Variants in RARS2 observed in about 807,000 individuals in gnomAD.
RARS2 encodes the protein arginyl-tRNA synthetase 2, mitochondrial.
Under a neutral mutation model 88.5 loss-of-function variants are expected in RARS2, and 67 were observed. That is an observed-to-expected ratio of 0.76 (90% CI 0.62 to 0.93). The LOEUF (loss-of-function observed/expected upper bound fraction) is 0.93. RARS2 is among the 40% of genes least tolerant of loss of function. The pLI is 0.00. For synonymous variants in RARS2, 239 were observed against 230.3 expected, an observed-to-expected ratio of 1.04 and a Z score of -0.34; for missense variants, 664 against 684.2, an observed-to-expected ratio of 0.97 and a Z score of 0.33.
At chr6:87,524,723 C>T in intron 10 of RARS2, 71 bp from the exon 11 acceptor site, 1 of 1,111,292 alleles carries the variant, frequency 9.0e-7, no homozygotes, top group Admixed American at 1.7e-5. Context: ...ATATCTAAAA[C>T]ATTAGCAAAC....
chr6:87,520,462 TCCA>T (rs1013552722), intron 12 of RARS2, among the ~76,000 whole-genome samples: 93 of 152,234 alleles, frequency 6.1e-4, no homozygotes, highest in African/African-American at 2.2e-3. Context: ...GCCATACAAC[TCCA>T]CCGAGTCAGT....
At chr6:87,515,331 C>T (rs1199721690) in intron 18 of RARS2, among the ~76,000 whole-genome samples, 1 of 152,106 alleles carries the variant, frequency 6.6e-6, no homozygotes, top group East Asian at 1.9e-4. Context: ...ACCATCCTGG[C>T]TAACATGGTG....
At chr6:87,532,223 T>C (rs35387911) in intron 8 of RARS2, among the ~76,000 whole-genome samples, 4,924 of 151,708 alleles carry the variant, frequency 0.032, 107 homozygotes, top group Middle Eastern at 0.054. Context: ...CCTTTTTTTT[T>C]CCCCCTAGAA....
At chr6:87,531,392 C>T (rs17504727) in intron 8 of RARS2, among the ~76,000 whole-genome samples, 10,128 of 152,162 alleles carry the variant, frequency 0.067, 459 homozygotes, top group Non-Finnish European at 0.099. Flanking sequence ...TGTAACTTCG[C>T]TGAAAAAGGT....
chr6:87,539,250 G>T (rs1369213499), intron 8 of RARS2, among the ~76,000 whole-genome samples: 1 of 152,216 alleles, frequency 6.6e-6, no homozygotes, highest in South Asian at 2.1e-4. Context: ...GCAACATGGG[G>T]TGTCTCTGTG....
intron 19 of RARS2, 87 bp from the exon 20 acceptor site, chr6:87,514,586 CTAGTT>C: frequency 8.4e-7 from 1 of 1,193,410 alleles, no homozygotes; most frequent in Non-Finnish European, 1.2e-6. Flanking sequence ...GTTATTCTTT[CTAGTT>C]TAAAGCAGGA....
intron 1 of RARS2, among the ~76,000 whole-genome samples, chr6:87,581,389 AAC>A (rs1582876512): frequency 6.6e-6 from 1 of 152,166 alleles, no homozygotes; most frequent in East Asian, 1.9e-4. Context: ...CTGATTCTCC[AAC>A]ACTACCAAGT....
intron 1 of RARS2, 61 bp downstream of exon 1, chr6:87,589,861 T>C: frequency 4.3e-6 from 7 of 1,613,964 alleles, no homozygotes. Context: ...CCCGCAGCGG[T>C]GAAAGGCCTT....
At chr6:87,542,234 TA>T (rs1385314378) in intron 7 of RARS2, among the ~76,000 whole-genome samples, 1 of 152,060 alleles carries the variant, frequency 6.6e-6, no homozygotes, top group Non-Finnish European at 1.5e-5. Flanking sequence ...CAGAAACCAA[TA>T]GGTTATGAGC....
intron 2 of RARS2, among the ~76,000 whole-genome samples, chr6:87,568,570 T>C (rs1296359080): frequency 2.6e-5 from 4 of 152,158 alleles, no homozygotes; most frequent in Admixed American, 6.5e-5. Context: ...TTTTACGAAA[T>C]AGGCAACTAG....
intron 8 of RARS2, among the ~76,000 whole-genome samples, chr6:87,538,729 G>A (rs1024959039): frequency 6.6e-6 from 1 of 151,914 alleles, no homozygotes; most frequent in Non-Finnish European, 1.5e-5. Context: ...AGACCCTATT[G>A]TTATTTAAAA....
chr6:87,555,326 A>G (rs1785532712), intron 5 of RARS2, 82 bp downstream of exon 5: 1 of 1,050,120 alleles, frequency 9.5e-7, no homozygotes, highest in South Asian at 1.3e-5. Flanking sequence ...TTATTTATTA[A>G]GACCCCCAAA....
At chr6:87,586,497 C>G (rs1775200134) in intron 1 of RARS2, among the ~76,000 whole-genome samples, 1 of 152,152 alleles carries the variant, frequency 6.6e-6, no homozygotes, top group African/African-American at 2.4e-5. Context: ...TTTCAAGTTC[C>G]CTTGGCACTT....
At chr6:87,533,132 T>C (rs1425955694) in intron 8 of RARS2, among the ~76,000 whole-genome samples, 1 of 151,894 alleles carries the variant, frequency 6.6e-6, no homozygotes, top group Non-Finnish European at 1.5e-5. Flanking sequence ...TTCTTCAGGG[T>C]GAAGTTTCTT....
chr6:87,560,508 A>G (rs1367880216), intron 4 of RARS2, among the ~76,000 whole-genome samples: 1 of 152,246 alleles, frequency 6.6e-6, no homozygotes, highest in Admixed American at 6.5e-5. Flanking sequence ...TTGCAATGTC[A>G]TTATGGTTAT....
At chr6:87,519,547 T>G (rs1773147676) in intron 14 of RARS2, 36 bp downstream of exon 14, 1 of 1,588,600 alleles carries the variant, frequency 6.3e-7, no homozygotes, top group African/African-American at 1.3e-5. Flanking sequence ...AAGTGGCACG[T>G]AAGTTATGAC....
chr6:87,542,230 C>A (rs1346254603), intron 7 of RARS2, among the ~76,000 whole-genome samples: 1 of 152,066 alleles, frequency 6.6e-6, no homozygotes, highest in Non-Finnish European at 1.5e-5. Flanking sequence ...CTCACAGAAA[C>A]CAATAGGTTA....
chr6:87,528,383 T>C (rs1333486617), intron 10 of RARS2, among the ~76,000 whole-genome samples: 1 of 152,042 alleles, frequency 6.6e-6, no homozygotes, highest in Non-Finnish European at 1.5e-5. Flanking sequence ...AGAACATCCA[T>C]ATATATGATC....
intron 17 of RARS2, 76 bp downstream of exon 17, chr6:87,518,088 TGACTC>T: frequency 6.2e-7 from 1 of 1,612,642 alleles, no homozygotes; most frequent in South Asian, 1.1e-5. Context: ...ACTGGACTGT[TGACTC>T]TACTGGGCAG....
Sources: gnomAD v4.1 joint callset for allele counts (sites outside exome capture counted in the v4.1 genomes callset) on GRCh38, gnomAD v4.1.1 for gene constraint, MANE v1.5 for transcripts, NCBI Gene and HGNC (gene_info 2026-07-23, HGNC 2026-07-21) for gene names.